The following SARDH variants were observed in gnomAD, a reference collection of about 807,000 sequenced individuals.
SARDH encodes sarcosine dehydrogenase, also known as sarcosine dehydrogenase, mitochondrial.
In SARDH, 95 loss-of-function variants were observed where a neutral mutation model predicts 109.1. That is an observed-to-expected ratio of 0.87 (90% CI 0.74 to 1.03). SARDH has a LOEUF of 1.03. Among genes scored for constraint, SARDH ranks in the 50% least tolerant of loss-of-function variants. The pLI is 0.00. For synonymous variants in SARDH, 572 were observed against 534.8 expected (o/e 1.07, Z -0.96); for missense variants, 1,267 against 1,287.8 (o/e 0.98, Z 0.25).
rs1422640220 is a variant in SARDH, at chr9:133,666,892, G to C, written c.2496-22C>G. On this transcript the variant is annotated intron_variant, in intron 19 of 20. Coordinates refer to ENST00000439388, the MANE Select transcript of SARDH (RefSeq NM_001134707.2). This position sits in a 1 kb window ranked among gnomAD's most constrained non-coding sequence, Gnocchi z 5.2. Reference sequence around the variant, plus strand: ...TTTGCTGGAAGAAGCAGTAGAGAAAGCTGGGGCCCCAGAAACCGCAGGGTG... The same window carrying C: ...TTTGCTGGAAGAAGCAGTAGAGAAACCTGGGGCCCCAGAAACCGCAGGGTG... 1 of 1,611,702 alleles carries C rather than the reference G, an allele frequency of 6.2e-7. No individual in the cohort carries two copies. The highest frequency in any genetic ancestry group is 1.3e-5 in the African/African-American group (1 of 74,938).
chr9:133,716,392 T>A (rs1832123228), intron 8 of SARDH, among the ~76,000 whole-genome samples: 1 of 152,202 alleles, frequency 6.6e-6, no homozygotes, highest in African/African-American at 2.4e-5. Flanking sequence ...CACACTCAAC[T>A]CAGGGACGTC....
At chr9:133,671,859 C>T (rs531614515) in intron 17 of SARDH, among the ~76,000 whole-genome samples, 162 bp from the exon 18 acceptor site, 1 of 152,312 alleles carries the variant, frequency 6.6e-6, no homozygotes, top group African/African-American at 2.4e-5. Context: ...CCAAGGAGAG[C>T]TGCTCCCTCC....
intron 12 of SARDH, chr9:133,703,277 T>C: frequency 1.9e-6 from 1 of 529,928 alleles, no homozygotes; most frequent in Non-Finnish European, 3.4e-6. Context: ...CCCAGGAGGC[T>C]GGAGGAGGAG....
At chr9:133,690,264 C>T (rs1029169572) in intron 16 of SARDH, 116 bp downstream of exon 16, 15 of 1,161,198 alleles carry the variant, frequency 1.3e-5, no homozygotes, top group Middle Eastern at 3.0e-4. Context: ...TTTACCAGAG[C>T]GCTTAACTAT....
intron 6 of SARDH, among the ~76,000 whole-genome samples, 164 bp downstream of exon 6, chr9:133,729,601 G>A (rs559506653): frequency 6.6e-6 from 1 of 152,252 alleles, no homozygotes; most frequent in Middle Eastern, 3.4e-3. Flanking sequence ...CATACCACCC[G>A]GAAATACCCC....
At chr9:133,707,679 GAAAGC>G (rs1286540645) in intron 11 of SARDH, among the ~76,000 whole-genome samples, 2 of 152,174 alleles carry the variant, frequency 1.3e-5, no homozygotes, top group Admixed American at 1.3e-4. Context: ...CTGTTCCCCA[GAAAGC>G]AAAGCGTCCA....
chr9:133,682,534 C>A lies in SARDH; in HGVS notation c.2163+2659G>T, dbSNP rs146274167. Among the ~76,000 whole-genome samples the A allele has an allele frequency of 6.6e-3, 1,001 of 152,362 alleles. 8 individuals carry two copies. The highest frequency in any genetic ancestry group is 0.02 in the South Asian group (99 of 4,830). Reference sequence around the variant, plus strand: ...CAGCCAGATGAGCTTCGTGCCGCAGCTCACGAGACCTGCCCACAGACCCAG... The same window carrying A: ...CAGCCAGATGAGCTTCGTGCCGCAGATCACGAGACCTGCCCACAGACCCAG... On this transcript the variant is annotated intron_variant, in intron 17 of 20. Transcript: ENST00000439388.
intron 11 of SARDH, among the ~76,000 whole-genome samples, chr9:133,707,294 A>C (rs972629416): frequency 6.6e-6 from 1 of 152,136 alleles, no homozygotes; most frequent in African/African-American, 2.4e-5. Context: ...CCCTGCATTC[A>C]CCCAGGGAGG....
In SARDH at chr9:133,670,609, G is replaced by A. The variant is rs375124485; in HGVS notation, c.2470C>T (p.Arg824Cys). The change falls in exon 19 of 21, where the codon CGC (arginine) becomes TGC (cysteine). Residue 824 changes from arginine (R) to cysteine (C), a missense_variant. Arg to Cys is a radical substitution (Grantham distance 180). Transcript: ENST00000439388. ...EQQRAAGLRR[R>C]LVCFTMEDKV... ...TCCTCCATGGTGAAGCACACCAGGC[G>A]CCGGCGGAGGCCTGCGGCCCGCTGC... is the stretch of plus-strand genomic sequence containing the variant. The A allele has an allele frequency of 2.0e-5, 31 of 1,576,390 alleles. No individual in the cohort carries two copies. Among genetic ancestry groups the A allele is most frequent in the Non-Finnish European group, 2.3e-5 (27 of 1,161,366 alleles).
chr9:133,735,388 C>T (rs960807872), intron 1 of SARDH, among the ~76,000 whole-genome samples: 1 of 152,232 alleles, frequency 6.6e-6, no homozygotes, highest in Non-Finnish European at 1.5e-5. Context: ...AGGAAACCCT[C>T]CCAGATCTGC....
At chr9:133,697,718 C>T (rs940030713) in intron 13 of SARDH, among the ~76,000 whole-genome samples, 2 of 152,078 alleles carry the variant, frequency 1.3e-5, no homozygotes, top group African/African-American at 2.4e-5. Flanking sequence ...AAAATTCACC[C>T]GTTCATGATA....
intron 19 of SARDH, among the ~76,000 whole-genome samples, chr9:133,669,403 C>T (rs188196853): frequency 5.3e-4 from 77 of 146,256 alleles, no homozygotes; most frequent in African/African-American, 1.7e-3. Context: ...GGAGAAGTGG[C>T]AGTGTTTGCA....
intron 6 of SARDH, among the ~76,000 whole-genome samples, chr9:133,725,029 T>A (rs1311293722): frequency 2.0e-5 from 3 of 152,230 alleles, no homozygotes; most frequent in South Asian, 2.1e-4. Context: ...AAGTGCATTG[T>A]ATCCATACAA....
rs1262455735 is a variant in SARDH, at chr9:133,709,850, C to T, written c.1329-1422G>A. On this transcript the variant is annotated intron_variant, in intron 10 of 20. Coordinates refer to ENST00000439388, the MANE Select transcript of SARDH (RefSeq NM_001134707.2). The surrounding 1 kb of genome is among the most constrained non-coding windows in gnomAD (Gnocchi z 4.2). ...GGTCTCACAAGTGTTCACAGTCACA[C>T]GGCAAGGCCACGGCAAAGGCAGCCC... Among the ~76,000 whole-genome samples, 4 of 152,004 alleles carry T rather than the reference C, an allele frequency of 2.6e-5. No homozygotes were observed. The highest frequency in any genetic ancestry group is 4.8e-5 in the African/African-American group (2 of 41,372).
At chr9:133,719,704 T>G (rs1207140956) in intron 6 of SARDH, among the ~76,000 whole-genome samples, 1 of 131,464 alleles carries the variant, frequency 7.6e-6, no homozygotes, top group African/African-American at 2.9e-5. Context: ...AGGCTTGAGA[T>G]GTTGACACCA....
chr9:133,706,838 C>A (rs1381657098), intron 11 of SARDH, among the ~76,000 whole-genome samples: 1 of 152,054 alleles, frequency 6.6e-6, no homozygotes, highest in Non-Finnish European at 1.5e-5. Flanking sequence ...AGGGTCTGTC[C>A]CAACAGCACT....
chr9:133,675,227 T>C (rs1185956685), intron 17 of SARDH, among the ~76,000 whole-genome samples: 1 of 152,100 alleles, frequency 6.6e-6, no homozygotes, highest in Admixed American at 6.5e-5. Flanking sequence ...GGTGCATGCC[T>C]GTAGTCCCAG....
intron 12 of SARDH, 148 bp from the exon 13 acceptor site, chr9:133,703,177 G>A (rs1436473326): frequency 3.0e-6 from 2 of 677,826 alleles, no homozygotes. Context: ...TGTTGTGGAC[G>A]CGGGCAGGGG....
At chr9:133,698,361 C>T (rs1831364175) in intron 13 of SARDH, among the ~76,000 whole-genome samples, 1 of 152,152 alleles carries the variant, frequency 6.6e-6, no homozygotes, top group African/African-American at 2.4e-5. Context: ...GATCTACAGA[C>T]CTAACACAGT....
Sources: gnomAD v4.1 joint callset for allele counts (sites outside exome capture counted in the v4.1 genomes callset) on GRCh38, gnomAD v4.1.1 for gene constraint, Gnocchi (gnomAD v3.1) non-coding constraint, MANE v1.5 for transcripts, NCBI Gene and HGNC (gene_info 2026-07-23, HGNC 2026-07-21) for gene names.